The following RALGPS2 variants were observed in gnomAD, a reference collection of about 807,000 sequenced individuals.
RALGPS2 encodes the protein ras-specific guanine nucleotide-releasing factor RalGPS2.
Under a neutral mutation model 86.8 loss-of-function variants are expected in RALGPS2, and 43 were observed. That is an observed-to-expected ratio of 0.50 (90% CI 0.39 to 0.64). The LOEUF (loss-of-function observed/expected upper bound fraction) is 0.64, where lower values mean the gene tolerates loss of function less well. Among genes scored for constraint, RALGPS2 ranks in the 30% least tolerant of loss-of-function variants. The probability of loss-of-function intolerance (pLI) is 0.00; values close to 1 mark genes in which losing one functional copy is unlikely to be tolerated. For synonymous variants in RALGPS2, 243 were observed against 231.3 expected, an observed-to-expected ratio of 1.05 and a Z score of -0.46; for missense variants, 536 against 694.6, an observed-to-expected ratio of 0.77 and a Z score of 2.57.
chr1:178,749,186 T>A (rs564416648), intron 1 of RALGPS2, among the ~76,000 whole-genome samples: 7 of 151,790 alleles, frequency 4.6e-5, no homozygotes, highest in African/African-American at 1.7e-4. Flanking sequence ...GTTTTTAAAA[T>A]TTTTTTTTAA....
intron 8 of RALGPS2, among the ~76,000 whole-genome samples, chr1:178,862,341 C>T (rs1419068464): frequency 1.3e-5 from 2 of 152,036 alleles, no homozygotes; most frequent in Non-Finnish European, 2.9e-5. Context: ...AAAAATGTCA[C>T]CAAATCAACT....
At chr1:178,824,063 T>C (rs1655632854) in intron 7 of RALGPS2, among the ~76,000 whole-genome samples, 1 of 151,986 alleles carries the variant, frequency 6.6e-6, no homozygotes, top group South Asian at 2.1e-4. Context: ...GTAAAGAAAA[T>C]GTTTCAATAA....
At chr1:178,851,064 A>T in intron 8 of RALGPS2, 1 of 1,457,936 alleles carries the variant, frequency 6.9e-7, no homozygotes, top group South Asian at 1.4e-5. Flanking sequence ...TACATGTAAC[A>T]TTTACATTTT....
At chr1:178,744,659 CA>C (rs996351534) in intron 1 of RALGPS2, among the ~76,000 whole-genome samples, 15 of 151,018 alleles carry the variant, frequency 9.9e-5, no homozygotes, top group Non-Finnish European at 1.6e-4. Context: ...ACTAATAATA[CA>C]AAAAAAATTA....
chr1:178,741,565 C>G (rs917287843), intron 1 of RALGPS2, among the ~76,000 whole-genome samples: 2 of 152,074 alleles, frequency 1.3e-5, no homozygotes, highest in African/African-American at 4.8e-5. Flanking sequence ...TGGTAAAGTT[C>G]CTGTACTGTA....
Position 178,821,592 on chromosome 1 carries a change from A to T in RALGPS2, c.388-20A>T. 2 of 1,582,710 alleles carry T rather than the reference A, an allele frequency of 1.3e-6. No individual in the cohort carries two copies. Among genetic ancestry groups the T allele is most frequent in the South Asian group, 1.1e-5 (1 of 87,408 alleles). ...TTGTTCTTTTTCATCCCTCTCCCCCATTTTTTTTCAAATCTTCAGAAACTG... is the reference window on the plus strand; with the variant it reads ...TTGTTCTTTTTCATCCCTCTCCCCCTTTTTTTTTCAAATCTTCAGAAACTG... On this transcript the variant is annotated intron_variant, in intron 6 of 19. Coordinates refer to ENST00000367635, the MANE Select transcript of RALGPS2 (RefSeq NM_152663.5).
intron 1 of RALGPS2, among the ~76,000 whole-genome samples, chr1:178,734,291 T>C (rs1650552865): frequency 6.6e-6 from 1 of 152,198 alleles, no homozygotes; most frequent in African/African-American, 2.4e-5. Flanking sequence ...TGGAAGACCA[T>C]GTGGCACTTC....
chr1:178,776,863 G>A, intron 2 of RALGPS2, 42 bp downstream of exon 2: 1 of 1,527,966 alleles, frequency 6.5e-7, no homozygotes, highest in Non-Finnish European at 9.0e-7. Flanking sequence ...TTCTTACCTG[G>A]CTTTCTAATT....
intron 1 of RALGPS2, among the ~76,000 whole-genome samples, chr1:178,750,100 G>C (rs1326959967): frequency 6.6e-6 from 1 of 152,184 alleles, no homozygotes; most frequent in Non-Finnish European, 1.5e-5. Flanking sequence ...GACAGAGTGA[G>C]ACTCTGTCTC....
At chr1:178,746,825 A>G (rs540587561) in intron 1 of RALGPS2, 6 of 1,154,654 alleles carry the variant, frequency 5.2e-6, no homozygotes, top group Non-Finnish European at 7.9e-6. Flanking sequence ...GTTCTCCTCC[A>G]TTGTATCTTG....
At chr1:178,763,405 A>G (rs1477536866) in intron 1 of RALGPS2, among the ~76,000 whole-genome samples, 2 of 152,236 alleles carry the variant, frequency 1.3e-5, no homozygotes, top group African/African-American at 4.8e-5. Flanking sequence ...TTTGATAGGA[A>G]TACCATTGAA....
At chr1:178,828,780 T>C (rs993534115) in intron 7 of RALGPS2, among the ~76,000 whole-genome samples, 3 of 152,142 alleles carry the variant, frequency 2.0e-5, no homozygotes, top group African/African-American at 7.2e-5. Context: ...CTAACGAGTT[T>C]TGGTAAAGAT....
intron 1 of RALGPS2, among the ~76,000 whole-genome samples, chr1:178,729,400 C>T (rs990138099): frequency 2.0e-5 from 3 of 152,018 alleles, no homozygotes; most frequent in Non-Finnish European, 2.9e-5. Flanking sequence ...CTTCCTAGCA[C>T]CTAGAAAAGT....
Position 178,776,700 on chromosome 1 carries a change from C to G in RALGPS2, c.-65C>G, listed in dbSNP as rs1653102583. 3 of 1,231,724 alleles carry G rather than the reference C, an allele frequency of 2.4e-6. No individual in the cohort carries two copies. The highest frequency in any genetic ancestry group is 3.4e-6 in the Non-Finnish European group (3 of 874,818). The allele number at this position is 1,231,724 out of a possible 1,614,324, so 76.3% of individuals were successfully genotyped here. A position where few individuals can be genotyped will look rare whatever the true frequency, so the allele number is the denominator to read the frequency against. On this transcript the variant is annotated 5_prime_UTR_variant, in exon 2 of 20. Transcript: ENST00000367635. ...TTTACAGGAATAATGTATTTGTGGCCTTGGACATGAGGCAGTCAGTCCTCT... is the reference window on the plus strand; with the variant it reads ...TTTACAGGAATAATGTATTTGTGGCGTTGGACATGAGGCAGTCAGTCCTCT...
intron 8 of RALGPS2, among the ~76,000 whole-genome samples, chr1:178,834,024 T>C (rs1656150936): frequency 6.6e-6 from 1 of 152,164 alleles, no homozygotes; most frequent in African/African-American, 2.4e-5. Flanking sequence ...CAGTTCTGTA[T>C]TTCGCATCTC....
chr1:178,844,828 C>CT (rs1436323750), intron 8 of RALGPS2, among the ~76,000 whole-genome samples: 1 of 152,034 alleles, frequency 6.6e-6, no homozygotes, highest in African/African-American at 2.4e-5. Context: ...CTTTAATGTG[C>CT]TTTTTCTAAG....
intron 8 of RALGPS2, among the ~76,000 whole-genome samples, chr1:178,871,517 A>G (rs1658755426): frequency 2.3e-5 from 2 of 85,426 alleles, no homozygotes; most frequent in South Asian, 5.4e-4. Context: ...ATTTGTAAAC[A>G]TTTTACTAAG....
chr1:178,830,279 C>T (rs1267673500), intron 7 of RALGPS2, among the ~76,000 whole-genome samples: 1 of 152,004 alleles, frequency 6.6e-6, no homozygotes, highest in South Asian at 2.1e-4. Context: ...TCAGGAATAG[C>T]TAAAGAAGAC....
At chr1:178,771,606 T>C (rs1385111206) in intron 1 of RALGPS2, among the ~76,000 whole-genome samples, 1 of 152,146 alleles carries the variant, frequency 6.6e-6, no homozygotes, top group Non-Finnish European at 1.5e-5. Flanking sequence ...AAGCAGTCTG[T>C]GAGGAAAAAC....
Sources: allele counts gnomAD v4.1 joint callset (sites outside exome capture counted in the v4.1 genomes callset), GRCh38; gene constraint gnomAD v4.1.1; transcripts MANE v1.5; gene names NCBI Gene and HGNC (gene_info 2026-07-23, HGNC 2026-07-21).